Variants in ADAM2 observed in about 807,000 individuals in gnomAD.
ADAM2 encodes the protein ADAM metallopeptidase domain 2.
A neutral mutation model predicts 99.3 loss-of-function variants in ADAM2; 101 were observed. The observed-to-expected ratio is 1.02, with a 90% CI of 0.87 to 1.20. The LOEUF is 1.20. Ranked by LOEUF, ADAM2 falls within the 50% of genes most tolerant of loss-of-function variation. ADAM2 has a pLI of 0.00. For synonymous variants in ADAM2, 323 were observed against 287.6 expected, an observed-to-expected ratio of 1.12 and a Z score of -1.25; for missense variants, 948 against 878.7, an observed-to-expected ratio of 1.08 and a Z score of -1.00.
chr8:39,820,051 GAC>G (rs1409594084), intron 6 of ADAM2, among the ~76,000 whole-genome samples: 1 of 152,118 alleles, frequency 6.6e-6, no homozygotes, highest in Admixed American at 6.6e-5. Context: ...TAGCAACAAA[GAC>G]AGGCAAAATA....
At chr8:39,780,161 G>A (rs989730393) in intron 10 of ADAM2, among the ~76,000 whole-genome samples, 6 of 152,052 alleles carry the variant, frequency 3.9e-5, no homozygotes, top group African/African-American at 1.2e-4. Flanking sequence ...CAGAGAACGC[G>A]TGCAGGGGAT....
At chr8:39,783,119 T>C (rs904579783) in intron 10 of ADAM2, among the ~76,000 whole-genome samples, 3 of 152,286 alleles carry the variant, frequency 2.0e-5, no homozygotes, top group Admixed American at 6.5e-5. Flanking sequence ...TTTGCAAATC[T>C]TTCGAGATTT....
chr8:39,814,788 T>A (rs978979336), intron 6 of ADAM2, among the ~76,000 whole-genome samples: 3 of 151,782 alleles, frequency 2.0e-5, no homozygotes, highest in African/African-American at 7.3e-5. Context: ...GGACTGGGAC[T>A]GAATATCTGT....
At chr8:39,830,679 TACG>T (rs1563386466) in intron 3 of ADAM2, among the ~76,000 whole-genome samples, 1 of 152,110 alleles carries the variant, frequency 6.6e-6, no homozygotes, top group Admixed American at 6.5e-5. Context: ...ACACATTATT[TACG>T]ACAATAGTCG....
At chr8:39,828,995 A>G (rs1805517516) in intron 3 of ADAM2, among the ~76,000 whole-genome samples, 1 of 151,878 alleles carries the variant, frequency 6.6e-6, no homozygotes, top group Admixed American at 6.6e-5. Context: ...AATGTATAAT[A>G]TATAACCATC....
At chr8:39,766,719 T>C in intron 14 of ADAM2, 129 bp downstream of exon 14, 1 of 791,838 alleles carries the variant, frequency 1.3e-6, no homozygotes, top group African/African-American at 1.7e-5. Flanking sequence ...TATTCTTCTC[T>C]TTCTATAATT....
In ADAM2 at chr8:39,833,814, T is replaced by C. The variant is rs1470961507; in HGVS notation, c.188+130A>G. 9.2e-6 allele frequency: 6 copies of C among 652,958 alleles called. No homozygotes were observed. In the Admixed American group the frequency reaches 1.4e-4, roughly 15 times the overall value. The allele number at this position is 652,958 out of a possible 1,614,324, so 40.4% of individuals were successfully genotyped here. On this transcript the variant is annotated intron_variant, in intron 3 of 20. Coordinates refer to ENST00000265708, the MANE Select transcript of ADAM2 (RefSeq NM_001464.5). ...GTATCATATATAGGCTTAAATCATA[T>C]GATAAGGGATGAATGAATGGCAAGA...
chr8:39,765,119 C>T (rs1802520634), intron 14 of ADAM2, among the ~76,000 whole-genome samples: 1 of 152,130 alleles, frequency 6.6e-6, no homozygotes, highest in Non-Finnish European at 1.5e-5. Flanking sequence ...GTTTTCTAGT[C>T]ACTCCTTACT....
At chr8:39,795,674 T>A (rs192972497) in intron 7 of ADAM2, among the ~76,000 whole-genome samples, 92 of 152,252 alleles carry the variant, frequency 6.0e-4, no homozygotes, top group African/African-American at 2.2e-3. Flanking sequence ...CCAACCACCA[T>A]GGGCACAAGT....
chr8:39,763,139 T>C (rs1050231064), intron 14 of ADAM2, among the ~76,000 whole-genome samples: 14 of 152,172 alleles, frequency 9.2e-5, no homozygotes, highest in Non-Finnish European at 1.9e-4. Flanking sequence ...ATCTAAACTT[T>C]CCATTCCCTG....
At chr8:39,787,171 A>G in intron 9 of ADAM2, 116 bp from the exon 10 acceptor site, 2 of 557,338 alleles carry the variant, frequency 3.6e-6, no homozygotes, top group Non-Finnish European at 6.2e-6. Context: ...CATTAATGTA[A>G]CATAGCATAA....
intron 6 of ADAM2, among the ~76,000 whole-genome samples, chr8:39,816,603 G>A (rs1804952573): frequency 6.6e-6 from 1 of 152,112 alleles, no homozygotes; most frequent in Non-Finnish European, 1.5e-5. Context: ...TTTATACCCA[G>A]GCACATGTTA....
chr8:39,768,602 G>C (rs967662895), intron 12 of ADAM2, among the ~76,000 whole-genome samples: 32 of 152,000 alleles, frequency 2.1e-4, no homozygotes, highest in Admixed American at 2.1e-3. Context: ...GTACTCCCTA[G>C]GTTTTCTGGC....
At position 39,824,815 on chromosome 8, in the gene ADAM2, A is replaced by T; in HGVS notation, c.267+4T>A. 1 of 1,498,384 alleles carries T rather than the reference A, an allele frequency of 6.7e-7. No individual in the cohort carries two copies. Among genetic ancestry groups the T allele is most frequent in the Non-Finnish European group, 9.2e-7 (1 of 1,082,866 alleles). 92.8% of individuals were successfully genotyped at this position (1,498,384 alleles called of 1,614,324 possible). ...AAAAATAAAAGAGATCATAAAAAAC[A>T]TACCTGAAAATCTTGGTCAAGTGGT... On this transcript the variant is annotated splice_donor_region_variant and intron_variant, in intron 4 of 20. Transcript: ENST00000265708.
chr8:39,766,084 A>G (rs1361561469), intron 14 of ADAM2, among the ~76,000 whole-genome samples: 1 of 152,180 alleles, frequency 6.6e-6, no homozygotes. Context: ...ATAACTTCAG[A>G]GTCCCTGGAT....
At chr8:39,766,036 T>C (rs1802554682) in intron 14 of ADAM2, among the ~76,000 whole-genome samples, 1 of 152,234 alleles carries the variant, frequency 6.6e-6, no homozygotes, top group South Asian at 2.1e-4. Context: ...ACCATGGTTT[T>C]CTTTTTTGTT....
At position 39,802,823 on chromosome 8, in the gene ADAM2, G is replaced by GA. The variant is rs909072073; in HGVS notation, c.570+6586dup. 2.6e-4 allele frequency among the ~76,000 whole-genome samples: 39 copies of GA among 151,208 alleles called. 1 individual carries two copies. The highest frequency in any genetic ancestry group is 8.5e-4 in the African/African-American group (35 of 41,276). On this transcript the variant is annotated intron_variant, in intron 7 of 20. Transcript: ENST00000265708. ...CAACTAACTGCCCTCTGAACTCAGAGAAAAAAAAATCGTTTGTTCTAGCCA... is the reference window on the plus strand; with the variant it reads ...CAACTAACTGCCCTCTGAACTCAGAGAAAAAAAAAATCGTTTGTTCTAGCCA...
chr8:39,779,905 C>A (rs914408751), intron 10 of ADAM2, among the ~76,000 whole-genome samples: 4 of 151,654 alleles, frequency 2.6e-5, no homozygotes, highest in Non-Finnish European at 4.4e-5. Flanking sequence ...CCTTTTTTTT[C>A]TTTAATGAAC....
intron 7 of ADAM2, among the ~76,000 whole-genome samples, chr8:39,793,503 A>G (rs1438925435): frequency 2.0e-5 from 3 of 152,176 alleles, no homozygotes; most frequent in African/African-American, 4.8e-5. Context: ...GGTAGAGATT[A>G]CAATGAGAAA....
Sources: allele counts gnomAD v4.1 joint callset (sites outside exome capture counted in the v4.1 genomes callset), GRCh38; gene constraint gnomAD v4.1.1; transcripts MANE v1.5; gene names NCBI Gene and HGNC (gene_info 2026-07-23, HGNC 2026-07-21).